Variants in LPCAT3 observed in about 807,000 individuals in gnomAD.
LPCAT3 encodes the protein lysophosphatidylcholine acyltransferase 3, also known as lysophospholipid acyltransferase 5.
LPCAT3 carries 21 observed loss-of-function variants against 63.4 expected under a neutral mutation model. That is an observed-to-expected ratio of 0.33 (90% CI 0.23 to 0.48). The LOEUF is 0.48. Ranked by LOEUF, LPCAT3 falls within the 20% of genes least tolerant of loss-of-function variation. The pLI, the probability that LPCAT3 is intolerant of heterozygous loss-of-function variation, is 0.99. For missense variants in LPCAT3, 451 were observed against 590.6 expected (o/e 0.76, Z 2.45); for synonymous variants, 242 against 227.5 (o/e 1.06, Z -0.58).
chr12:7,018,264 G>C lies in LPCAT3; in HGVS notation c.151+10C>G. On this transcript the variant is annotated intron_variant, in intron 1 of 12. Transcript: ENST00000261407. The surrounding 1 kb of genome is among the most constrained non-coding windows in gnomAD (Gnocchi z 4.9). ...CCGCGAGGGGCGGAGGGAGGCAGGA[G>C]GGTCCTTACCCAGGAAGATGGAGAT... 1 of 1,593,150 alleles carries C rather than the reference G, an allele frequency of 6.3e-7. No individual in the cohort carries two copies. Among genetic ancestry groups the C allele is most frequent in the South Asian group, 1.1e-5 (1 of 87,788 alleles).
intron 1 of LPCAT3, among the ~76,000 whole-genome samples, chr12:7,004,529 G>C (rs1284871589): frequency 6.6e-6 from 1 of 152,182 alleles, no homozygotes; most frequent in Non-Finnish European, 1.5e-5. Context: ...TGTGGGTTCA[G>C]AGTGTTTTCA....
intron 1 of LPCAT3, among the ~76,000 whole-genome samples, chr12:7,015,113 A>C (rs1235811230): frequency 6.6e-6 from 1 of 152,354 alleles, no homozygotes; most frequent in Admixed American, 6.5e-5. Context: ...AAAAAGGTTT[A>C]AAAGCCAGTG....
chr12:7,001,445 A>C (rs782683177), intron 1 of LPCAT3: 35 of 455,984 alleles, frequency 7.7e-5, no homozygotes, highest in Middle Eastern at 6.5e-4. Context: ...TTCTGCTGCT[A>C]CTGCCAGAAT....
chr12:7,002,830 G>A (rs1946698107), intron 1 of LPCAT3, among the ~76,000 whole-genome samples: 1 of 152,152 alleles, frequency 6.6e-6, no homozygotes, highest in South Asian at 2.1e-4. Context: ...CCAACATGGT[G>A]AAACCCCATC....
At chr12:7,008,847 A>G (rs1484423701) in intron 1 of LPCAT3, among the ~76,000 whole-genome samples, 2 of 152,044 alleles carry the variant, frequency 1.3e-5, no homozygotes, top group African/African-American at 2.4e-5. Flanking sequence ...AATGAACATA[A>G]TAACAATGTG....
chr12:6,981,468 G>A (rs782753414), intron 5 of LPCAT3, 127 bp downstream of exon 5: 1 of 942,646 alleles, frequency 1.1e-6, no homozygotes, highest in African/African-American at 1.6e-5. Flanking sequence ...ATCTGAAAGG[G>A]AGATTGCACA....
intron 1 of LPCAT3, among the ~76,000 whole-genome samples, chr12:7,003,422 C>T (rs115353214): frequency 8.6e-4 from 130 of 151,024 alleles, no homozygotes; most frequent in Middle Eastern, 3.4e-3. Context: ...TCATGTCTCA[C>T]TGAACTGAAT....
intron 1 of LPCAT3, among the ~76,000 whole-genome samples, chr12:6,999,166 T>C (rs1190894084): frequency 2.0e-5 from 3 of 152,222 alleles, no homozygotes; most frequent in Non-Finnish European, 4.4e-5. Flanking sequence ...ATTTTAAAAG[T>C]TCATTTTAAT....
At position 7,017,351 on chromosome 12, in the gene LPCAT3, G is replaced by A; in HGVS notation, c.151+923C>T. Among the ~76,000 whole-genome samples, 1 of 152,186 alleles carries A rather than the reference G, an allele frequency of 6.6e-6. No homozygotes were observed. The highest frequency in any genetic ancestry group is 1.5e-5 in the Non-Finnish European group (1 of 68,026). ...ATGGCAATCCTATGTGGTAGGCACT[G>A]TTGTCCTCATTTCATAGATAAGGAA... On this transcript the variant is annotated intron_variant, in intron 1 of 12. Transcript: ENST00000261407. This position sits in a 1 kb window ranked among gnomAD's most constrained non-coding sequence, Gnocchi z 4.1.
intron 1 of LPCAT3, among the ~76,000 whole-genome samples, chr12:7,016,147 A>G (rs1399734587): frequency 1.3e-4 from 20 of 150,528 alleles, no homozygotes; most frequent in African/African-American, 4.9e-4. Context: ...TTCAGGCTGG[A>G]GTGCAGTGGT....
In LPCAT3 at chr12:6,977,409, G is replaced by A. The variant is rs1555153402; in HGVS notation, c.1305C>T (p.Ser435=). 6.2e-7 allele frequency: 1 copy of A among 1,614,206 alleles called. No individual in the cohort carries two copies. The highest frequency in any genetic ancestry group is 1.7e-5 in the Admixed American group (1 of 60,028). The change falls in exon 11 of 13, where the codon TCC becomes TCT. Residue 435 remains serine, a synonymous_variant. Transcript: ENST00000261407. This position sits in a 1 kb window ranked among gnomAD's most constrained non-coding sequence, Gnocchi z 4.5. ...ACGTGAAGAGGCAGAAGGCAGTCAT[G>A]GAGTAACCCATGAAGAGCCAGTGGA... ...QTIHWLFMGY[S]MTAFCLFTWD...
intron 1 of LPCAT3, among the ~76,000 whole-genome samples, chr12:6,986,795 C>CAAAA (rs1157395768): frequency 8.8e-5 from 3 of 33,912 alleles, no homozygotes; most frequent in African/African-American, 3.3e-4. Context: ...GACTCTGTCT[C>CAAAA]AAAAAAAAAA....
chr12:7,015,555 ATATG>A (rs1245624117), intron 1 of LPCAT3, among the ~76,000 whole-genome samples: 1 of 152,238 alleles, frequency 6.6e-6, no homozygotes, highest in Non-Finnish European at 1.5e-5. Context: ...ATTTATATTT[ATATG>A]TATGTATTTA....
intron 1 of LPCAT3, among the ~76,000 whole-genome samples, chr12:6,988,833 T>C (rs782818371): frequency 6.6e-6 from 1 of 152,252 alleles, no homozygotes; most frequent in South Asian, 2.1e-4. Flanking sequence ...CAGAGGTTTG[T>C]AAGAACTTGT....
intron 1 of LPCAT3, among the ~76,000 whole-genome samples, chr12:6,999,870 T>C (rs1946668998): frequency 6.6e-6 from 1 of 152,036 alleles, no homozygotes; most frequent in African/African-American, 2.4e-5. Flanking sequence ...ATCAGAATTA[T>C]CTAGTTTAAA....
intron 1 of LPCAT3, among the ~76,000 whole-genome samples, chr12:7,003,907 C>T (rs1175071246): frequency 4.5e-5 from 6 of 132,960 alleles, no homozygotes; most frequent in African/African-American, 1.8e-4. Flanking sequence ...CCGGCCTGGG[C>T]GACAGAGCGA....
chr12:6,983,912 G>T (rs1372560690), intron 1 of LPCAT3, among the ~76,000 whole-genome samples: 1 of 152,138 alleles, frequency 6.6e-6, no homozygotes, highest in Non-Finnish European at 1.5e-5. Flanking sequence ...GGAGGCTGAG[G>T]CAAGGGGATT....
In LPCAT3 at chr12:6,976,552, C is replaced by T. The variant is rs1476120055; in HGVS notation, c.*352G>A. The T allele has an allele frequency of 2.6e-5, 4 of 153,040 alleles. No homozygotes were observed. Among genetic ancestry groups the T allele is most frequent in the African/African-American group, 9.7e-5 (4 of 41,424 alleles). The allele number at this position is 153,040 out of a possible 1,614,324, so 9.5% of individuals were successfully genotyped here. A position where few individuals can be genotyped will look rare whatever the true frequency, so the allele number is the denominator to read the frequency against. On this transcript the variant is annotated 3_prime_UTR_variant, in exon 13 of 13. Coordinates refer to ENST00000261407, the MANE Select transcript of LPCAT3 (RefSeq NM_005768.6). ...CCAGCCTGGCCAACGTGGTGAAATC[C>T]CGTTTCTACTGAAAATACAAAAATT...
At chr12:7,001,550 G>A (rs1946687840) in intron 1 of LPCAT3, 5 of 455,628 alleles carry the variant, frequency 1.1e-5, no homozygotes, top group South Asian at 3.1e-5. Flanking sequence ...TATTTGGCGC[G>A]GTGTTGGTGT....
Sources: gnomAD v4.1 joint callset for allele counts (sites outside exome capture counted in the v4.1 genomes callset) on GRCh38, gnomAD v4.1.1 for gene constraint, Gnocchi (gnomAD v3.1) non-coding constraint, MANE v1.5 for transcripts, NCBI Gene and HGNC (gene_info 2026-07-23, HGNC 2026-07-21) for gene names.